EBF3: variants seen among roughly 807,000 people sequenced by gnomAD.
The protein encoded by EBF3 is transcription factor COE3.
Under a neutral mutation model 77.1 loss-of-function variants are expected in EBF3, and 18 were observed. The observed-to-expected ratio is 0.23, with a 90% CI of 0.16 to 0.35. The LOEUF (loss-of-function observed/expected upper bound fraction) is 0.35, where lower values mean the gene tolerates loss of function less well. EBF3 is among the 10% of genes least tolerant of loss of function. EBF3 has a pLI of 1.00. For synonymous variants in EBF3, 350 were observed against 343.5 expected, an observed-to-expected ratio of 1.02 and a Z score of -0.21; for missense variants, 558 against 860.0, an observed-to-expected ratio of 0.65 and a Z score of 4.39.
In EBF3 at chr10:129,836,223, A is replaced by G. The variant is rs1013163439; in HGVS notation, c.*1720T>C. On this transcript the variant is annotated 3_prime_UTR_variant, in exon 17 of 17. Coordinates refer to ENST00000440978, the MANE Select transcript of EBF3 (RefSeq NM_001375380.1). ...AAAATAGCACAAAGGTTCTTTAAAG[A>G]AGTTCACTTTTAAGGCATCAGAAAA... is the stretch of plus-strand genomic sequence containing the variant. The G allele has an allele frequency of 1.3e-5, 2 of 152,756 alleles. No individual in the cohort carries two copies. The highest frequency in any genetic ancestry group is 1.9e-4 in the East Asian group (1 of 5,196). 9.5% of individuals were successfully genotyped at this position (152,756 alleles called of 1,614,324 possible).
chr10:129,920,675 C>T (rs994953457), intron 6 of EBF3, among the ~76,000 whole-genome samples: 4 of 152,244 alleles, frequency 2.6e-5, no homozygotes, highest in Non-Finnish European at 5.9e-5. Flanking sequence ...TGGAAAGCCA[C>T]GCTTTTGAAA....
intron 10 of EBF3, among the ~76,000 whole-genome samples, chr10:129,856,377 C>T (rs149130023): frequency 6.6e-6 from 1 of 152,148 alleles, no homozygotes; most frequent in East Asian, 1.9e-4. Flanking sequence ...TATATCCATA[C>T]AATGGAATAA....
intron 10 of EBF3, among the ~76,000 whole-genome samples, chr10:129,860,034 G>T (rs1477829670): frequency 6.6e-6 from 1 of 152,160 alleles, no homozygotes; most frequent in Non-Finnish European, 1.5e-5. Flanking sequence ...GGGAGTTGTG[G>T]CTGGAGTGAT....
At chr10:129,872,002 A>G (rs1240747365) in intron 8 of EBF3, among the ~76,000 whole-genome samples, 1 of 152,228 alleles carries the variant, frequency 6.6e-6, no homozygotes, top group Non-Finnish European at 1.5e-5. Flanking sequence ...TTATTTCTCT[A>G]AACGCTACAT....
intron 6 of EBF3, among the ~76,000 whole-genome samples, chr10:129,942,817 G>C (rs1038284929): frequency 2.6e-5 from 4 of 152,144 alleles, no homozygotes; most frequent in African/African-American, 9.7e-5. Context: ...TTAAAAACCA[G>C]GACAGACTCT....
intron 6 of EBF3, among the ~76,000 whole-genome samples, chr10:129,933,139 C>T (rs774020223): frequency 1.3e-5 from 2 of 152,162 alleles, no homozygotes; most frequent in Non-Finnish European, 2.9e-5. Context: ...GAGGGTCAGT[C>T]CTGATTCCGC....
intron 6 of EBF3, among the ~76,000 whole-genome samples, chr10:129,884,803 C>T: frequency 6.6e-6 from 1 of 152,228 alleles, no homozygotes; most frequent in East Asian, 1.9e-4. Flanking sequence ...CACGGCTTGA[C>T]TTGCAGTTCA....
Position 129,879,685 on chromosome 10 carries a change from C to G in EBF3, c.555-1836G>C, listed in dbSNP as rs897736309. ...CTTCACACCATCTGCCATCAGCATACAGTAAGTCACTTGATATTCCACCCA... is the reference window on the plus strand; with the variant it reads ...CTTCACACCATCTGCCATCAGCATAGAGTAAGTCACTTGATATTCCACCCA... On this transcript the variant is annotated intron_variant, in intron 6 of 16. Coordinates refer to ENST00000440978, the MANE Select transcript of EBF3 (RefSeq NM_001375380.1). This position sits in a 1 kb window ranked among gnomAD's most constrained non-coding sequence, Gnocchi z 4.7. Among the ~76,000 whole-genome samples, 4 of 152,242 alleles carry G rather than the reference C, an allele frequency of 2.6e-5. No homozygotes were observed. The highest frequency in any genetic ancestry group is 9.6e-5 in the African/African-American group (4 of 41,460).
intron 10 of EBF3, 73 bp downstream of exon 10, chr10:129,867,068 G>A (rs1196128641): frequency 1.3e-6 from 2 of 1,548,900 alleles, no homozygotes; most frequent in South Asian, 1.2e-5. Context: ...GTCCTCCCGT[G>A]CCCTCATGAG....
chr10:129,913,318 ACACAGTTGCATG>A (rs1238159618), intron 6 of EBF3, among the ~76,000 whole-genome samples: 1 of 152,268 alleles, frequency 6.6e-6, no homozygotes, highest in Non-Finnish European at 1.5e-5. Flanking sequence ...GGTGGCCCCC[ACACAGTTGCATG>A]CACTGGGCAG....
chr10:129,841,006 C>T lies in EBF3; in HGVS notation c.1399G>A (p.Val467Met), dbSNP rs770506131. The part of the protein sequence containing the change: ...QVGYSRNTSS[V>M]SPRGYVPSST... The stretch of plus-strand genomic sequence containing the variant: ...CTGGGGACGTAGCCTCGCGGGGACA[C>T]GCTGCTTGTATTGCGACTGTAGCCG... The change falls in exon 14 of 17, where the codon GTG becomes ATG. Residue 467 changes from valine (V) to methionine (M), a missense_variant. Val to Met is a conservative substitution (Grantham distance 21). This residue lies in a region of EBF3 where 284 missense variants were observed against 368.3 expected (regional missense o/e 0.77). Transcript: ENST00000440978. This position sits in a 1 kb window ranked among gnomAD's most constrained non-coding sequence, Gnocchi z 4.6. 1.1e-5 allele frequency: 17 copies of T among 1,608,722 alleles called. No homozygotes were observed. Among genetic ancestry groups the T allele is most frequent in the Admixed American group, 3.4e-5 (2 of 59,496 alleles).
intron 6 of EBF3, among the ~76,000 whole-genome samples, chr10:129,945,091 GAA>G (rs1858084341): frequency 4.6e-5 from 1 of 21,812 alleles, no homozygotes; most frequent in Non-Finnish European, 9.9e-5. Flanking sequence ...GAAGAGAGGA[GAA>G]GGGAGGGGAG....
intron 15 of EBF3, among the ~76,000 whole-genome samples, chr10:129,839,731 G>C (rs947926262): frequency 1.3e-5 from 2 of 152,220 alleles, no homozygotes; most frequent in Non-Finnish European, 2.9e-5. Context: ...GGGACAACGA[G>C]GGTAGCAGAT....
At chr10:129,907,660 C>A (rs1366449053) in intron 6 of EBF3, among the ~76,000 whole-genome samples, 1 of 152,094 alleles carries the variant, frequency 6.6e-6, no homozygotes, top group African/African-American at 2.4e-5. Flanking sequence ...AACAGCGAAA[C>A]ATGTTAAAAA....
At chr10:129,916,027 T>C (rs565814862) in intron 6 of EBF3, among the ~76,000 whole-genome samples, 3 of 152,174 alleles carry the variant, frequency 2.0e-5, no homozygotes, top group African/African-American at 7.2e-5. Context: ...CTGGCCACAC[T>C]CAGGAAATTC....
intron 6 of EBF3, among the ~76,000 whole-genome samples, chr10:129,926,710 T>A (rs1048740277): frequency 6.6e-6 from 1 of 151,806 alleles, no homozygotes; most frequent in African/African-American, 2.4e-5. Context: ...AAAACAAACA[T>A]GGGAGAATGG....
chr10:129,840,183 C>A, intron 15 of EBF3, 62 bp downstream of exon 15: 95 of 1,325,244 alleles, frequency 7.2e-5, no homozygotes, highest in Non-Finnish European at 9.1e-5. Context: ...CCCCCACCCC[C>A]ACTCCCATCC....
intron 11 of EBF3, 130 bp from the exon 12 acceptor site, chr10:129,843,332 T>A: frequency 1.1e-6 from 1 of 927,338 alleles, no homozygotes; most frequent in Non-Finnish European, 1.6e-6. Context: ...GGCCCTGCCG[T>A]GCACTTCGAA....
chr10:129,912,235 A>G (rs1253701974), intron 6 of EBF3, among the ~76,000 whole-genome samples: 1 of 152,148 alleles, frequency 6.6e-6, no homozygotes, highest in Non-Finnish European at 1.5e-5. Context: ...TGGACCCCGG[A>G]ACCCTAGGAA....
Sources: allele counts gnomAD v4.1 joint callset (sites outside exome capture counted in the v4.1 genomes callset), GRCh38; gene constraint gnomAD v4.1.1; regional missense constraint gnomAD v4.1.1; non-coding constraint Gnocchi (gnomAD v3.1); transcripts MANE v1.5; gene names NCBI Gene and HGNC (gene_info 2026-07-23, HGNC 2026-07-21).